Variants in PPP1R9A observed in about 807,000 individuals in gnomAD.
PPP1R9A encodes the protein neurabin-1.
A neutral mutation model predicts 141.9 loss-of-function variants in PPP1R9A; 59 were observed. That is an observed-to-expected ratio of 0.42 (90% CI 0.34 to 0.52). The LOEUF is 0.52. Among genes scored for constraint, PPP1R9A ranks in the 20% least tolerant of loss-of-function variants. PPP1R9A has a pLI of 0.10. For synonymous variants in PPP1R9A, 500 were observed against 569.7 expected (o/e 0.88, Z 1.74); for missense variants, 1,444 against 1,611.9 (o/e 0.90, Z 1.78).
At chr7:95,117,959 C>A (rs544059707) in intron 3 of PPP1R9A, among the ~76,000 whole-genome samples, 2 of 152,272 alleles carry the variant, frequency 1.3e-5, no homozygotes, top group Non-Finnish European at 2.9e-5. Context: ...GAAAAACTTA[C>A]ATGGATGTAA....
intron 2 of PPP1R9A, among the ~76,000 whole-genome samples, chr7:95,109,805 C>G (rs1038686457): frequency 6.6e-6 from 1 of 150,904 alleles, no homozygotes; most frequent in Non-Finnish European, 1.5e-5. Flanking sequence ...CTACTGCACT[C>G]CAGCTTGGAG....
chr7:95,076,085 T>C (rs1357859928), intron 2 of PPP1R9A, among the ~76,000 whole-genome samples: 1 of 152,194 alleles, frequency 6.6e-6, no homozygotes, highest in Non-Finnish European at 1.5e-5. Flanking sequence ...TTATTTTTCA[T>C]ACAGATCGGG....
intron 2 of PPP1R9A, among the ~76,000 whole-genome samples, chr7:95,028,525 A>G (rs1177391701): frequency 6.6e-6 from 1 of 152,202 alleles, no homozygotes; most frequent in Non-Finnish European, 1.5e-5. Context: ...TTAACATGTA[A>G]TCTAGGTAAG....
chr7:95,033,295 T>G (rs925467794), intron 2 of PPP1R9A, among the ~76,000 whole-genome samples: 2 of 151,612 alleles, frequency 1.3e-5, no homozygotes, highest in African/African-American at 2.4e-5. Flanking sequence ...ATTACAGGCA[T>G]GAGCCACCGC....
chr7:95,249,326 T>A (rs1160840621), intron 9 of PPP1R9A, among the ~76,000 whole-genome samples: 1 of 152,192 alleles, frequency 6.6e-6, no homozygotes, highest in Admixed American at 6.5e-5. Flanking sequence ...TATGTTCATG[T>A]TCCTTGAAAT....
chr7:94,967,734 T>G (rs1055931146), intron 2 of PPP1R9A, among the ~76,000 whole-genome samples: 1 of 152,022 alleles, frequency 6.6e-6, no homozygotes, highest in African/African-American at 2.4e-5. Context: ...GTGAGTTTCT[T>G]AATCCTGAAT....
At chr7:95,145,498 T>G (rs1827440639) in intron 4 of PPP1R9A, among the ~76,000 whole-genome samples, 1 of 152,016 alleles carries the variant, frequency 6.6e-6, no homozygotes, top group African/African-American at 2.4e-5. Context: ...AGGCAAAAAA[T>G]AGAAAAAAAG....
intron 2 of PPP1R9A, among the ~76,000 whole-genome samples, chr7:95,050,674 C>T (rs1360418955): frequency 1.3e-5 from 2 of 152,036 alleles, no homozygotes; most frequent in African/African-American, 4.8e-5. Flanking sequence ...TGCAGTGAGC[C>T]AAGATTGTGC....
At chr7:95,057,492 A>G (rs1811661269) in intron 2 of PPP1R9A, among the ~76,000 whole-genome samples, 2 of 152,120 alleles carry the variant, frequency 1.3e-5, no homozygotes, top group Admixed American at 1.3e-4. Context: ...AACGGTTTAA[A>G]AGAAATTATG....
intron 3 of PPP1R9A, 147 bp downstream of exon 3, chr7:95,111,538 G>T (rs927657858): frequency 5.6e-6 from 5 of 887,390 alleles, no homozygotes; most frequent in Non-Finnish European, 6.6e-6. Flanking sequence ...AAAAATAGTT[G>T]ATATGGATTC....
At chr7:94,983,667 T>G (rs1484980255) in intron 2 of PPP1R9A, among the ~76,000 whole-genome samples, 1 of 152,208 alleles carries the variant, frequency 6.6e-6, no homozygotes, top group East Asian at 1.9e-4. Context: ...TTGTGATTTT[T>G]GCACATTGAT....
At chr7:95,186,153 G>A (rs538469335) in intron 5 of PPP1R9A, among the ~76,000 whole-genome samples, 9 of 152,114 alleles carry the variant, frequency 5.9e-5, no homozygotes, top group African/African-American at 1.9e-4. Context: ...CTACCAATCC[G>A]TGAGCATGGG....
chr7:95,035,546 A>G (rs985532944), intron 2 of PPP1R9A, among the ~76,000 whole-genome samples: 2 of 152,168 alleles, frequency 1.3e-5, no homozygotes, highest in Non-Finnish European at 2.9e-5. Context: ...TGGTTTTGGA[A>G]TCAAGAACCA....
At chr7:95,064,763 G>A (rs1179039747) in intron 2 of PPP1R9A, among the ~76,000 whole-genome samples, 3 of 152,166 alleles carry the variant, frequency 2.0e-5, no homozygotes, top group Non-Finnish European at 2.9e-5. Flanking sequence ...GCCAAAAATT[G>A]TAAATTATGG....
At chr7:95,004,121 G>C (rs1246843780) in intron 2 of PPP1R9A, among the ~76,000 whole-genome samples, 3 of 151,892 alleles carry the variant, frequency 2.0e-5, no homozygotes, top group Non-Finnish European at 4.4e-5. Flanking sequence ...GTAAAAAGTT[G>C]AGCATCTCCT....
intron 2 of PPP1R9A, among the ~76,000 whole-genome samples, chr7:95,054,158 C>A (rs186091569): frequency 6.6e-6 from 1 of 150,480 alleles, no homozygotes; most frequent in East Asian, 2.0e-4. Context: ...GCTCTCTTGC[C>A]CAGCTGGAGT....
intron 2 of PPP1R9A, among the ~76,000 whole-genome samples, chr7:95,081,708 A>G (rs973810173): frequency 2.0e-5 from 3 of 152,214 alleles, no homozygotes; most frequent in African/African-American, 7.2e-5. Flanking sequence ...CACTCTGGAA[A>G]TGCTCCTCTT....
intron 2 of PPP1R9A, among the ~76,000 whole-genome samples, chr7:95,010,746 A>C (rs932786137): frequency 6.6e-6 from 1 of 152,084 alleles, no homozygotes; most frequent in Admixed American, 6.5e-5. Flanking sequence ...TAATTTTAAA[A>C]AATTCTATAT....
chr7:95,284,639 G>A (rs1230109959), intron 17 of PPP1R9A, among the ~76,000 whole-genome samples: 13 of 152,174 alleles, frequency 8.5e-5, no homozygotes, highest in African/African-American at 2.9e-4. Context: ...GACTGAATAC[G>A]AGTTCAGTAC....
Sources: gnomAD v4.1 joint callset for allele counts (sites outside exome capture counted in the v4.1 genomes callset) on GRCh38, gnomAD v4.1.1 for gene constraint, MANE v1.5 for transcripts, NCBI Gene and HGNC (gene_info 2026-07-23, HGNC 2026-07-21) for gene names.